NR3C1: variants seen among roughly 807,000 people sequenced by gnomAD.
NR3C1 encodes nuclear receptor subfamily 3 group C member 1.
In NR3C1, 14 loss-of-function variants were observed where a neutral mutation model predicts 74.0. The ratio of observed to expected loss-of-function variants is 0.19; its 90% confidence interval spans 0.12 to 0.30. The LOEUF (loss-of-function observed/expected upper bound fraction) is 0.30, where lower values mean the gene tolerates loss of function less well. NR3C1 is among the 10% of genes least tolerant of loss of function. The probability of loss-of-function intolerance (pLI) is 1.00; values close to 1 mark genes in which losing one functional copy is unlikely to be tolerated. For synonymous variants in NR3C1, 308 were observed against 332.5 expected (o/e 0.93, Z 0.80); for missense variants, 695 against 909.8 (o/e 0.76, Z 3.04).
chr5:143,375,485 G>A (rs1034764597), intron 2 of NR3C1: 1 of 152,156 alleles, frequency 6.6e-6, no homozygotes, highest in African/African-American at 2.4e-5. Context: ...GAAAGAATGA[G>A]GTAGATTTGT....
upstream of NR3C1, chr5:143,405,194 G>A (rs1018592190): frequency 6.3e-5 from 62 of 985,554 alleles, no homozygotes; most frequent in Non-Finnish European, 7.2e-5. Flanking sequence ...GGGAAAGGTT[G>A]TGCTGTGTGG....
chr5:143,305,170 TA>T (rs1819312083), intron 4 of NR3C1, among the ~76,000 whole-genome samples: 1 of 151,906 alleles, frequency 6.6e-6, no homozygotes, highest in Non-Finnish European at 1.5e-5. Context: ...GAACTTAAAT[TA>T]ACAAGCAAAA....
At chr5:143,407,281 T>C (rs1040521348), upstream of NR3C1, 3 of 152,228 alleles carry the variant, frequency 2.0e-5, no homozygotes, top group African/African-American at 7.2e-5. Context: ...AAATCACTTT[T>C]ACTGGGTTAT....
intron 7 of NR3C1, 132 bp from the exon 8 acceptor site, chr5:143,282,857 G>A: frequency 2.1e-6 from 2 of 949,218 alleles, no homozygotes; most frequent in Non-Finnish European, 3.1e-6. Flanking sequence ...ATAGCTCACT[G>A]GAGCCTTGAC....
At chr5:143,318,697 C>T (rs1338545831) in intron 2 of NR3C1, among the ~76,000 whole-genome samples, 3 of 152,078 alleles carry the variant, frequency 2.0e-5, no homozygotes, top group Admixed American at 1.3e-4. Flanking sequence ...AGGCTGAAAA[C>T]CAGAGTTTAT....
At chr5:143,320,306 TCTTTG>T (rs1427644514) in intron 2 of NR3C1, among the ~76,000 whole-genome samples, 1 of 152,232 alleles carries the variant, frequency 6.6e-6, no homozygotes, top group Non-Finnish European at 1.5e-5. Flanking sequence ...CTGATTATTC[TCTTTG>T]CTTTGCATTT....
At chr5:143,315,756 G>A (rs917391560) in intron 2 of NR3C1, among the ~76,000 whole-genome samples, 1 of 152,222 alleles carries the variant, frequency 6.6e-6, no homozygotes, top group Non-Finnish European at 1.5e-5. Flanking sequence ...CTAATGTTCC[G>A]TTTAGGAATA....
At chr5:143,354,813 C>A (rs1001327080) in intron 2 of NR3C1, among the ~76,000 whole-genome samples, 1 of 151,198 alleles carries the variant, frequency 6.6e-6, no homozygotes, top group Non-Finnish European at 1.5e-5. Flanking sequence ...GGCCCGGCTA[C>A]TGGGGAGGCT....
chr5:143,319,211 T>C (rs1262133550), intron 2 of NR3C1, among the ~76,000 whole-genome samples: 1 of 152,106 alleles, frequency 6.6e-6, no homozygotes, highest in South Asian at 2.1e-4. Context: ...TCAATCTCAA[T>C]TGCCCTATTG....
intron 2 of NR3C1, among the ~76,000 whole-genome samples, chr5:143,380,611 T>C (rs1292486883): frequency 2.7e-5 from 4 of 149,840 alleles, no homozygotes; most frequent in Non-Finnish European, 5.9e-5. Context: ...TCCTCAGAGG[T>C]TCAAGTAGTT....
At chr5:143,313,187 T>G (rs1424845681) in intron 3 of NR3C1, among the ~76,000 whole-genome samples, 1 of 152,170 alleles carries the variant, frequency 6.6e-6, no homozygotes, top group African/African-American at 2.4e-5. Context: ...ATATGACAAT[T>G]TTTTTCCTAG....
chr5:143,382,433 A>G (rs1836425306), intron 2 of NR3C1, among the ~76,000 whole-genome samples: 1 of 152,248 alleles, frequency 6.6e-6, no homozygotes, highest in South Asian at 2.1e-4. Flanking sequence ...GGCACAACAG[A>G]CAGAGTTCTC....
At chr5:143,396,691 C>T (rs928064439) in intron 2 of NR3C1, among the ~76,000 whole-genome samples, 7 of 151,662 alleles carry the variant, frequency 4.6e-5, no homozygotes, top group African/African-American at 1.7e-4. Flanking sequence ...CCAATCATCA[C>T]TTAATTTTAG....
intron 2 of NR3C1, among the ~76,000 whole-genome samples, chr5:143,376,565 T>C (rs1835233544): frequency 6.6e-6 from 1 of 152,210 alleles, no homozygotes; most frequent in Non-Finnish European, 1.5e-5. Flanking sequence ...GGGATTCTCC[T>C]CATGTTATCA....
intron 2 of NR3C1, among the ~76,000 whole-genome samples, chr5:143,361,889 G>A (rs1832321066): frequency 6.6e-6 from 1 of 152,142 alleles, no homozygotes; most frequent in Non-Finnish European, 1.5e-5. Context: ...TTAGATAAAT[G>A]GTAAAACAGC....
intron 7 of NR3C1, among the ~76,000 whole-genome samples, chr5:143,289,917 A>G (rs2151507594): frequency 6.6e-6 from 1 of 152,286 alleles, no homozygotes; most frequent in Non-Finnish European, 1.5e-5. Context: ...ATAAATTTAA[A>G]CACACACTCA....
At chr5:143,404,609 A>G (rs1428530316), upstream of NR3C1, 5 of 672,132 alleles carry the variant, frequency 7.4e-6, no homozygotes, top group African/African-American at 1.0e-4. Context: ...CTCCCGCCCA[A>G]TGTGCTCACA....
At chr5:143,359,064 C>T (rs756920608) in intron 2 of NR3C1, among the ~76,000 whole-genome samples, 6 of 152,142 alleles carry the variant, frequency 3.9e-5, no homozygotes, top group Non-Finnish European at 5.9e-5. Context: ...AAAACCAATA[C>T]AACTGAAATG....
intron 6 of NR3C1, among the ~76,000 whole-genome samples, chr5:143,297,669 G>T (rs1444312652): frequency 6.6e-6 from 1 of 152,114 alleles, no homozygotes; most frequent in African/African-American, 2.4e-5. Flanking sequence ...CTTAGACCAG[G>T]GGTATGTGTG....
Sources: allele counts gnomAD v4.1 joint callset (sites outside exome capture counted in the v4.1 genomes callset), GRCh38; gene constraint gnomAD v4.1.1; transcripts MANE v1.5; gene names NCBI Gene and HGNC (gene_info 2026-07-23, HGNC 2026-07-21).